The following SLIT1 variants were observed in gnomAD, a reference collection of about 807,000 sequenced individuals.
SLIT1 encodes slit homolog 1 protein.
In SLIT1, 66 loss-of-function variants were observed where a neutral mutation model predicts 186.1. The ratio of observed to expected loss-of-function variants is 0.35; its 90% CI spans 0.29 to 0.44. SLIT1 has a LOEUF of 0.44. Among genes scored for constraint, SLIT1 ranks in the 20% least tolerant of loss-of-function variants. The pLI is 1.00. For missense variants in SLIT1, 1,638 were observed against 2,037.4 expected (o/e 0.80, Z 3.77); for synonymous variants, 761 against 833.8 (o/e 0.91, Z 1.50).
rs35370922 is a variant in SLIT1, at chr10:97,087,099, TA to T, written c.414-21014del. 5.4e-3 allele frequency among the ~76,000 whole-genome samples: 762 copies of T among 140,782 alleles called. 9 individuals are homozygous for T. The highest frequency in any genetic ancestry group is 0.015 in the African/African-American group (588 of 38,052). The allele number at this position is 140,782 out of a possible 152,430, so 92.4% of individuals were successfully genotyped here. A position where few individuals can be genotyped will look rare whatever the true frequency, so the allele number is the denominator to read the frequency against. On this transcript the variant is annotated intron_variant, in intron 4 of 36. Transcript: ENST00000266058. ...AAAAAATAAGGTCTATTAAAACAAT[TA>T]AAAAAAAAAAAACAGGTACCAATCC...
intron 8 of SLIT1, 137 bp from the exon 9 acceptor site, chr10:97,060,924 T>C: frequency 1.0e-6 from 1 of 958,230 alleles, no homozygotes; most frequent in Non-Finnish European, 1.5e-6. Flanking sequence ...GGATCACTAA[T>C]GAAATAAGAT....
At chr10:97,083,444 G>A (rs1372672053) in intron 4 of SLIT1, among the ~76,000 whole-genome samples, 1 of 152,168 alleles carries the variant, frequency 6.6e-6, no homozygotes, top group Non-Finnish European at 1.5e-5. Context: ...GACACTTGAT[G>A]GATGAACTTG....
At chr10:97,078,351 C>G (rs923848851) in intron 4 of SLIT1, among the ~76,000 whole-genome samples, 2 of 152,118 alleles carry the variant, frequency 1.3e-5, no homozygotes, top group Non-Finnish European at 2.9e-5. Flanking sequence ...CCTGTGGCAG[C>G]CCCCTCCTTC....
intron 11 of SLIT1, among the ~76,000 whole-genome samples, chr10:97,059,144 G>T (rs554138048): frequency 6.6e-6 from 1 of 152,346 alleles, no homozygotes; most frequent in East Asian, 1.9e-4. Context: ...GGGCCAAGAT[G>T]GTTGTGCAAA....
At chr10:97,165,851 A>G (rs995271058) in intron 1 of SLIT1, among the ~76,000 whole-genome samples, 4 of 152,096 alleles carry the variant, frequency 2.6e-5, no homozygotes, top group Admixed American at 2.6e-4. Flanking sequence ...CCTTCCTTCC[A>G]AGGCCACCTT....
chr10:97,164,871 T>C lies in SLIT1; in HGVS notation c.217A>G (p.Ile73Val), dbSNP rs1850082773. The C allele has an allele frequency of 1.2e-6, 2 of 1,613,288 alleles. No homozygotes were observed. The highest frequency in any genetic ancestry group is 2.2e-5 in the East Asian group (1 of 44,834). Residue 73 changes from isoleucine (I) to valine (V), a missense_variant, in exon 2 of 37, where the codon ATC (isoleucine) becomes GTC (valine). Physicochemically the swap from Ile to Val is conservative, Grantham distance 29. Around this residue, in one of 3 missense-constraint regions of SLIT1, gnomAD observed 1,245 missense variants for 1,535.3 expected, o/e 0.81. Coordinates refer to ENST00000266058, the MANE Select transcript of SLIT1 (RefSeq NM_003061.3). The stretch of plus-strand genomic sequence containing the variant: ...AAGTCATTCTTATGGATCCGAGTGA[T>C]GTTGTTGCCATTGAGTTCCCTGGAG... ...TERLELNGNNITRIHKNDFAG... is the reference protein window; with the variant it reads ...TERLELNGNNVTRIHKNDFAG...
chr10:97,043,528 G>C lies in SLIT1; in HGVS notation c.1854-15C>G. On this transcript the variant is annotated splice_polypyrimidine_tract_variant and intron_variant, in intron 18 of 36. Coordinates refer to ENST00000266058, the MANE Select transcript of SLIT1 (RefSeq NM_003061.3). This position sits in a 1 kb window ranked among gnomAD's most constrained non-coding sequence, Gnocchi z 7.0. ...TCCGCAGCATTCTGGGGAGGAACGG[G>C]GGAGGGAGGAGGGGACCCTTGCTGC... The C allele has an allele frequency of 1.2e-6, 2 of 1,611,052 alleles. No homozygotes were observed. The highest frequency in any genetic ancestry group is 8.5e-7 in the Non-Finnish European group (1 of 1,178,634).
rs1554843466 is a variant in SLIT1, at chr10:96,998,084, T to A, written c.*3028A>T. 1 of 152,136 alleles carries A rather than the reference T, an allele frequency of 6.6e-6. No individual in the cohort carries two copies. Among genetic ancestry groups the A allele is most frequent in the Non-Finnish European group, 1.5e-5 (1 of 68,044 alleles). The allele number at this position is 152,136 out of a possible 1,614,324, so 9.4% of individuals were successfully genotyped here. A position where few individuals can be genotyped will look rare whatever the true frequency, so the allele number is the denominator to read the frequency against. ...TTCACATGGAAGACAACAGACAATATCGACATAGTCTAAAACAATACTTCC... is the reference window on the plus strand; with the variant it reads ...TTCACATGGAAGACAACAGACAATAACGACATAGTCTAAAACAATACTTCC... On this transcript the variant is annotated 3_prime_UTR_variant, in exon 37 of 37. Transcript: ENST00000266058.
At chr10:97,164,008 C>G (rs147578478) in intron 2 of SLIT1, among the ~76,000 whole-genome samples, 1 of 152,234 alleles carries the variant, frequency 6.6e-6, no homozygotes, top group African/African-American at 2.4e-5. Flanking sequence ...GTACCCCCAC[C>G]CTGCCTGGCC....
chr10:97,064,300 G>T, intron 6 of SLIT1, 61 bp from the exon 7 acceptor site: 2 of 1,400,256 alleles, frequency 1.4e-6, no homozygotes, highest in Non-Finnish European at 2.0e-6. Flanking sequence ...GTGGGACAGG[G>T]CCGCCCTGCT....
chr10:97,081,716 T>G (rs1352483777), intron 4 of SLIT1, among the ~76,000 whole-genome samples: 1 of 152,178 alleles, frequency 6.6e-6, no homozygotes, highest in Non-Finnish European at 1.5e-5. Flanking sequence ...GAGCCCTGAC[T>G]GTTAACAGGA....
chr10:97,113,615 C>A (rs1460375944), intron 4 of SLIT1, among the ~76,000 whole-genome samples: 1 of 150,106 alleles, frequency 6.7e-6, no homozygotes, highest in Non-Finnish European at 1.5e-5. Flanking sequence ...TGCAATGGTG[C>A]GATCTTAGCT....
chr10:97,035,469 C>T (rs1216325073), intron 22 of SLIT1, among the ~76,000 whole-genome samples: 1 of 152,198 alleles, frequency 6.6e-6, no homozygotes, highest in Non-Finnish European at 1.5e-5. Context: ...CACATCTGCC[C>T]TCTCATCCCA....
At chr10:97,161,700 C>T (rs1431104571) in intron 3 of SLIT1, among the ~76,000 whole-genome samples, 1 of 152,188 alleles carries the variant, frequency 6.6e-6, no homozygotes, top group African/African-American at 2.4e-5. Context: ...ATCGCTTGAA[C>T]CCAAGAGGCG....
intron 18 of SLIT1, among the ~76,000 whole-genome samples, chr10:97,045,208 T>C (rs1017115422): frequency 7.3e-6 from 1 of 137,890 alleles, no homozygotes; most frequent in Non-Finnish European, 1.6e-5. Flanking sequence ...ACATTGCTTA[T>C]AAAAAAAAAA....
chr10:97,095,841 A>G (rs1314978212), intron 4 of SLIT1, among the ~76,000 whole-genome samples: 1 of 152,106 alleles, frequency 6.6e-6, no homozygotes, highest in African/African-American at 2.4e-5. Context: ...CACAGACGCT[A>G]TCATCTCTAA....
intron 23 of SLIT1, among the ~76,000 whole-genome samples, chr10:97,033,864 T>TTTA (rs1848613549): frequency 1.3e-5 from 2 of 149,576 alleles, no homozygotes; most frequent in Non-Finnish European, 3.0e-5. Context: ...TGTTCTATTT[T>TTTA]TTTTTTTTTT....
intron 4 of SLIT1, among the ~76,000 whole-genome samples, chr10:97,094,057 C>T (rs1372000978): frequency 1.3e-5 from 2 of 152,252 alleles, no homozygotes; most frequent in Non-Finnish European, 2.9e-5. Flanking sequence ...TAGGGAAGGG[C>T]TGACCCAGTG....
intron 4 of SLIT1, among the ~76,000 whole-genome samples, chr10:97,140,293 C>A (rs1265312426): frequency 6.6e-6 from 1 of 152,180 alleles, no homozygotes; most frequent in Non-Finnish European, 1.5e-5. Context: ...CTGTCACCAG[C>A]CCACACTGCC....
Sources: gnomAD v4.1 joint callset for allele counts (sites outside exome capture counted in the v4.1 genomes callset) on GRCh38, gnomAD v4.1.1 for gene constraint, gnomAD v4.1.1 regional missense constraint, Gnocchi (gnomAD v3.1) non-coding constraint, MANE v1.5 for transcripts, NCBI Gene and HGNC (gene_info 2026-07-23, HGNC 2026-07-21) for gene names.